Variants in MARCHF10 observed in about 807,000 individuals in gnomAD.
MARCHF10 encodes probable E3 ubiquitin-protein ligase MARCHF10.
A neutral mutation model predicts 76.2 loss-of-function variants in MARCHF10; 64 were observed. That is an observed-to-expected ratio of 0.84 (90% CI 0.69 to 1.03). The LOEUF is 1.03. Among genes scored for constraint, MARCHF10 ranks in the 50% least tolerant of loss-of-function variants. The pLI, the probability that MARCHF10 is intolerant of heterozygous loss-of-function variation, is 0.00. For missense variants in MARCHF10, 875 were observed against 958.0 expected (o/e 0.91, Z 1.14); for synonymous variants, 340 against 357.5 (o/e 0.95, Z 0.55).
intron 3 of MARCHF10, among the ~76,000 whole-genome samples, chr17:62,787,804 T>C (rs907127854): frequency 1.3e-5 from 2 of 152,190 alleles, no homozygotes; most frequent in African/African-American, 4.8e-5. Context: ...TATACATTTA[T>C]GAGAATTAAA....
intron 9 of MARCHF10, among the ~76,000 whole-genome samples, chr17:62,707,851 A>C (rs2089686669): frequency 6.6e-6 from 1 of 152,178 alleles, no homozygotes; most frequent in Non-Finnish European, 1.5e-5. Context: ...GTTCGCAGAA[A>C]ATCTTTGAAT....
At chr17:62,747,381 T>A (rs1454679804) in intron 4 of MARCHF10, among the ~76,000 whole-genome samples, 1 of 152,252 alleles carries the variant, frequency 6.6e-6, no homozygotes, top group Non-Finnish European at 1.5e-5. Flanking sequence ...ACCATTACCA[T>A]GTGTCCTCTA....
rs2092656680 is a variant in MARCHF10, at chr17:62,781,425, G to A, written c.210+7055C>T. ...TGATGGGAAACTGAAGTGCTTGCAA[G>A]TGGTTTGCCTGAATTCACATTGTAA... On this transcript the variant is annotated intron_variant, in intron 3 of 10. Coordinates refer to ENST00000311269, the MANE Select transcript of MARCHF10 (RefSeq NM_152598.4). Among the ~76,000 whole-genome samples the A allele has an allele frequency of 3.3e-5, 5 of 152,342 alleles. No individual in the cohort carries two copies. In the South Asian group the frequency reaches 1.0e-3, roughly 32 times the overall value.
At chr17:62,764,072 C>T (rs915617535) in intron 3 of MARCHF10, among the ~76,000 whole-genome samples, 1 of 151,970 alleles carries the variant, frequency 6.6e-6, no homozygotes, top group African/African-American at 2.4e-5. Flanking sequence ...AAGGTGAAAA[C>T]GCATGGGTTG....
intron 2 of MARCHF10, among the ~76,000 whole-genome samples, chr17:62,796,818 C>T (rs560445404): frequency 4.0e-4 from 61 of 152,160 alleles, no homozygotes; most frequent in African/African-American, 1.4e-3. Context: ...GTGAGACCCC[C>T]GTGTCTCTAT....
intron 5 of MARCHF10, chr17:62,737,647 A>T (rs1006093697): frequency 6.3e-6 from 2 of 315,182 alleles, no homozygotes; most frequent in African/African-American, 4.5e-5. Flanking sequence ...CAAACCTCAC[A>T]CTAAATACTG....
intron 9 of MARCHF10, among the ~76,000 whole-genome samples, chr17:62,709,488 CA>C (rs1022756389): frequency 4.6e-5 from 7 of 151,720 alleles, no homozygotes; most frequent in South Asian, 2.1e-4. Flanking sequence ...AAAAATAAAA[CA>C]AAAAAACAAA....
chr17:62,801,748 C>G lies in MARCHF10; in HGVS notation c.-13G>C, dbSNP rs1324501150. 1 of 1,609,724 alleles carries G rather than the reference C, an allele frequency of 6.2e-7. No individual in the cohort carries two copies. On this transcript the variant is annotated 5_prime_UTR_variant, in exon 2 of 11. Transcript: ENST00000311269. ...CGTCATGCAACATGATTCCTAATCC[C>G]TGACCTGCACAGAAAAGATAAACAA...
intron 2 of MARCHF10, among the ~76,000 whole-genome samples, chr17:62,796,341 C>T (rs1249615411): frequency 6.6e-6 from 1 of 152,174 alleles, no homozygotes; most frequent in Non-Finnish European, 1.5e-5. Flanking sequence ...CTTTCTGGAA[C>T]CAGGCAAGGG....
intron 8 of MARCHF10, among the ~76,000 whole-genome samples, chr17:62,716,949 G>C (rs1345383971): frequency 2.0e-5 from 3 of 152,170 alleles, no homozygotes; most frequent in Non-Finnish European, 2.9e-5. Context: ...GAAGCGAGGG[G>C]AAGGGACCAG....
chr17:62,748,026 A>C (rs897645783), intron 4 of MARCHF10, among the ~76,000 whole-genome samples: 1 of 152,160 alleles, frequency 6.6e-6, no homozygotes, highest in Non-Finnish European at 1.5e-5. Context: ...CTCTTGCAAA[A>C]TATTTTCTCT....
At chr17:62,747,056 G>A in intron 4 of MARCHF10, 1 of 1,059,248 alleles carries the variant, frequency 9.4e-7, no homozygotes, top group Non-Finnish European at 1.4e-6. Context: ...TGCTTAATGA[G>A]TATGTCTTTT....
At chr17:62,801,329 A>AT (rs2093068541) in intron 2 of MARCHF10, among the ~76,000 whole-genome samples, 1 of 151,134 alleles carries the variant, frequency 6.6e-6, no homozygotes, top group African/African-American at 2.4e-5. Flanking sequence ...AATTTTTTGT[A>AT]TTTTTTGTAG....
chr17:62,783,496 G>C (rs1385691287), intron 3 of MARCHF10, among the ~76,000 whole-genome samples: 1 of 152,042 alleles, frequency 6.6e-6, no homozygotes, highest in Non-Finnish European at 1.5e-5. Context: ...AAATTCAAAA[G>C]CTAGCAGAAG....
chr17:62,725,223 C>T (rs913397295), intron 6 of MARCHF10, 119 bp from the exon 7 acceptor site: 3 of 824,756 alleles, frequency 3.6e-6, no homozygotes, highest in African/African-American at 1.8e-5. Flanking sequence ...CCCGCTGCCC[C>T]CTCTGACCCT....
intron 4 of MARCHF10, among the ~76,000 whole-genome samples, chr17:62,746,112 G>C (rs2091694265): frequency 6.6e-6 from 1 of 152,234 alleles, no homozygotes; most frequent in Middle Eastern, 3.2e-3. Context: ...TCCAGATTCA[G>C]GAAGGGAATT....
At chr17:62,715,886 G>A (rs1195794855) in intron 8 of MARCHF10, among the ~76,000 whole-genome samples, 2 of 152,182 alleles carry the variant, frequency 1.3e-5, no homozygotes, top group African/African-American at 4.8e-5. Flanking sequence ...CAGAACTAAG[G>A]TAGGAAAACG....
intron 9 of MARCHF10, among the ~76,000 whole-genome samples, chr17:62,708,975 G>A (rs543769228): frequency 6.6e-6 from 1 of 152,196 alleles, no homozygotes; most frequent in Non-Finnish European, 1.5e-5. Flanking sequence ...AATTCACTGG[G>A]TCCACTAGTT....
In MARCHF10 at chr17:62,711,260, G is replaced by A. The variant is rs2089917569; in HGVS notation, c.2299C>T (p.Leu767Phe). 6.2e-7 allele frequency: 1 copy of A among 1,614,028 alleles called. No individual in the cohort carries two copies. Among genetic ancestry groups the A allele is most frequent in the Non-Finnish European group, 8.5e-7 (1 of 1,179,900 alleles). ...YEQRFAELMR[L>F]NHNQVERERL... ...TCTCTTTCCACCTGGTTGTGGTTGA[G>A]CCTCATGAGTTCTGCAAACCTCTGC... The change falls in exon 9 of 11, where the codon CTC (leucine) becomes TTC (phenylalanine). Residue 767 changes from leucine (L) to phenylalanine (F), a missense_variant. Coordinates refer to ENST00000311269, the MANE Select transcript of MARCHF10 (RefSeq NM_152598.4). The surrounding 1 kb of genome is among the most constrained non-coding windows in gnomAD (Gnocchi z 4.4).
Sources: gnomAD v4.1 joint callset for allele counts (sites outside exome capture counted in the v4.1 genomes callset) on GRCh38, gnomAD v4.1.1 for gene constraint, Gnocchi (gnomAD v3.1) non-coding constraint, MANE v1.5 for transcripts, NCBI Gene and HGNC (gene_info 2026-07-23, HGNC 2026-07-21) for gene names.